The following DDX59 variants were observed in gnomAD, a reference collection of about 807,000 sequenced individuals.
DDX59 encodes the protein probable ATP-dependent RNA helicase DDX59.
In DDX59, 30 loss-of-function variants were observed where a neutral mutation model predicts 51.9. The ratio of observed to expected loss-of-function variants is 0.58; its 90% CI spans 0.43 to 0.78. The LOEUF is 0.78. Among genes scored for constraint, DDX59 ranks in the 30% least tolerant of loss-of-function variants. The pLI is 0.00. For synonymous variants in DDX59, 255 were observed against 253.3 expected, an observed-to-expected ratio of 1.01 and a Z score of -0.06; for missense variants, 672 against 730.8, an observed-to-expected ratio of 0.92 and a Z score of 0.93.
At chr1:200,652,712 A>G (rs900555045) in intron 4 of DDX59, among the ~76,000 whole-genome samples, 2 of 139,672 alleles carry the variant, frequency 1.4e-5, no homozygotes, top group Admixed American at 7.8e-5. Context: ...CTCTGTCGCC[A>G]GGCTGGAGTG....
chr1:200,646,860 C>T (rs781555627), intron 7 of DDX59, among the ~76,000 whole-genome samples: 1 of 151,994 alleles, frequency 6.6e-6, no homozygotes, highest in South Asian at 2.1e-4. Context: ...AAATGTCTAG[C>T]AACTAATGAA....
At chr1:200,648,993 C>G in intron 6 of DDX59, 81 bp downstream of exon 6, 1 of 1,361,966 alleles carries the variant, frequency 7.3e-7, no homozygotes, top group Non-Finnish European at 9.8e-7. Context: ...GTTATAAAAA[C>G]CAGCTGTAAT....
At chr1:200,667,342 G>A (rs1489867403) in intron 1 of DDX59, among the ~76,000 whole-genome samples, 3 of 152,142 alleles carry the variant, frequency 2.0e-5, no homozygotes, top group South Asian at 2.1e-4. Context: ...CGGAGGTTGC[G>A]GTGAGCCTAA....
At chr1:200,653,684 A>T (rs562364362) in intron 4 of DDX59, among the ~76,000 whole-genome samples, 1 of 151,334 alleles carries the variant, frequency 6.6e-6, no homozygotes, top group African/African-American at 2.4e-5. Flanking sequence ...ATCTCCAAGC[A>T]CTCTCCCCTC....
chr1:200,665,924 T>G lies in DDX59; in HGVS notation c.804+13A>C. On this transcript the variant is annotated intron_variant, in intron 2 of 7. Transcript: ENST00000331314. Reference sequence around the variant, plus strand: ...CAAGAATAATACATGTGAACTCTATTATTAACACTTACCTCGAATAAAGCT... The same window carrying G: ...CAAGAATAATACATGTGAACTCTATGATTAACACTTACCTCGAATAAAGCT... 1.3e-6 allele frequency: 2 copies of G among 1,580,668 alleles called. No individual in the cohort carries two copies. Among genetic ancestry groups the G allele is most frequent in the Non-Finnish European group, 1.7e-6 (2 of 1,165,126 alleles).
At chr1:200,660,023 A>C (rs182362803) in intron 3 of DDX59, among the ~76,000 whole-genome samples, 15 of 152,290 alleles carry the variant, frequency 9.8e-5, no homozygotes, top group Middle Eastern at 3.4e-3. Flanking sequence ...AAAATGCTTT[A>C]ATACCAATCA....
Position 200,644,389 on chromosome 1 carries a change from T to A in DDX59, c.1725A>T (p.Leu575Phe), listed in dbSNP as rs1405454627. 2 of 1,613,952 alleles carry A rather than the reference T, an allele frequency of 1.2e-6. No homozygotes were observed. Among genetic ancestry groups the A allele is most frequent in the South Asian group, 2.2e-5 (2 of 91,040 alleles). The change falls in exon 8 of 8, where the codon TTA (leucine) becomes TTT (phenylalanine). Residue 575 changes from leucine (L) to phenylalanine (F), a missense_variant. Coordinates refer to ENST00000331314, the MANE Select transcript of DDX59 (RefSeq NM_001031725.6). ...KPTGSILPPQ[L>F]LNSPYLHDQK... The stretch of plus-strand genomic sequence containing the variant: ...GGTCATGAAGGTATGGGGAATTTAA[T>A]AACTGAGGGGGAAGAATGGATCCTG...
At chr1:200,666,978 T>C (rs1662806359) in intron 1 of DDX59, among the ~76,000 whole-genome samples, 1 of 148,172 alleles carries the variant, frequency 6.7e-6, no homozygotes. Flanking sequence ...CATGGTGGCA[T>C]GTGCCTGTAA....
chr1:200,660,529 G>A (rs942485759), intron 3 of DDX59, among the ~76,000 whole-genome samples: 2 of 152,122 alleles, frequency 1.3e-5, no homozygotes, highest in African/African-American at 4.8e-5. Flanking sequence ...ATCGCTGTGG[G>A]CAGGGCGGTG....
intron 2 of DDX59, among the ~76,000 whole-genome samples, 154 bp from the exon 3 acceptor site, chr1:200,664,240 T>C (rs1158039150): frequency 1.3e-5 from 2 of 152,212 alleles, no homozygotes; most frequent in Non-Finnish European, 2.9e-5. Flanking sequence ...CAGACTTTTT[T>C]CCTCCAAAAC....
Position 200,644,297 on chromosome 1 carries a change from A to T in DDX59, c.1817T>A (p.Met606Lys), listed in dbSNP as rs759757683. Residue 606 changes from methionine to lysine, a missense_variant, in exon 8 of 8, where the codon ATG becomes AAG. Physicochemically the swap from Met to Lys is moderately conservative, Grantham distance 95. Coordinates refer to ENST00000331314, the MANE Select transcript of DDX59 (RefSeq NM_001031725.6). ...QNDLVTGANL[M>K]DIIRKHDKSN... is the part of the protein sequence containing the mutation. Reference sequence around the variant, plus strand: ...TTTATCATGTTTTCTGATAATATCCATAAGATTAGCTCCTGTAACCAGATC... The same window carrying T: ...TTTATCATGTTTTCTGATAATATCCTTAAGATTAGCTCCTGTAACCAGATC... The T allele has an allele frequency of 1.9e-6, 3 of 1,594,260 alleles. No homozygotes were observed. The Admixed American group carries it at 5.4e-5, about 29-fold the overall frequency.
At chr1:200,653,072 T>C (rs1055864363) in intron 4 of DDX59, among the ~76,000 whole-genome samples, 1 of 152,208 alleles carries the variant, frequency 6.6e-6, no homozygotes, top group Non-Finnish European at 1.5e-5. Context: ...GGGAGCCCCA[T>C]GGGCTGGGTC....
rs1223098012 is a variant in DDX59 at position 200,669,828 on chromosome 1, C to T, written c.-73G>A. On this transcript the variant is annotated 5_prime_UTR_variant, in exon 1 of 8. Coordinates refer to ENST00000331314, the MANE Select transcript of DDX59 (RefSeq NM_001031725.6). ...GCTCGGGCCGTCTCCCCCTTCCAGGCTCCAGGCCAGGCTTCCGCCCGACAA... is the reference window on the plus strand; with the variant it reads ...GCTCGGGCCGTCTCCCCCTTCCAGGTTCCAGGCCAGGCTTCCGCCCGACAA... The T allele has an allele frequency of 6.6e-6, 1 of 152,646 alleles. No homozygotes were observed. Among genetic ancestry groups the T allele is most frequent in the Non-Finnish European group, 1.5e-5 (1 of 68,400 alleles). 9.5% of individuals were successfully genotyped at this position (152,646 alleles called of 1,614,324 possible). A position where few individuals can be genotyped will look rare whatever the true frequency, so the allele number is the denominator to read the frequency against.
intron 3 of DDX59, among the ~76,000 whole-genome samples, chr1:200,660,937 C>T (rs1444093688): frequency 2.6e-5 from 4 of 152,242 alleles, no homozygotes; most frequent in African/African-American, 4.8e-5. Flanking sequence ...ACTGTATTCC[C>T]TAGCTCTATC....
At chr1:200,658,203 G>C (rs1359070740) in intron 4 of DDX59, among the ~76,000 whole-genome samples, 1 of 152,330 alleles carries the variant, frequency 6.6e-6, no homozygotes, top group African/African-American at 2.4e-5. Flanking sequence ...AGATGCATGT[G>C]CCCCGCAGGC....
chr1:200,663,450 A>G (rs1662504413), intron 3 of DDX59, among the ~76,000 whole-genome samples: 1 of 152,192 alleles, frequency 6.6e-6, no homozygotes. Flanking sequence ...ATCAGACCAC[A>G]TTGCTTTTAC....
In DDX59 at chr1:200,666,670, A is replaced by G; in HGVS notation, c.71T>C (p.Ile24Thr). ...AAGGTCTTCTGGGTCTGGTTTAATT[A>G]TCTTAGCCACACAACTTTTGCCATC... is the stretch of plus-strand genomic sequence containing the variant. Reference protein sequence around the residue: ...NDDGKSCVAKIIKPDPEDLQL... With the variant: ...NDDGKSCVAKTIKPDPEDLQL... The change falls in exon 2 of 8, where the codon ATA becomes ACA. Residue 24 changes from isoleucine to threonine, a missense_variant. Physicochemically the swap from Ile to Thr is moderately conservative, Grantham distance 89 (BLOSUM62 -1). Transcript: ENST00000331314. The G allele has an allele frequency of 3.7e-6, 6 of 1,614,196 alleles. No homozygotes were observed. The highest frequency in any genetic ancestry group is 5.1e-6 in the Non-Finnish European group (6 of 1,180,022).
At chr1:200,647,013 G>A (rs987131459) in intron 7 of DDX59, among the ~76,000 whole-genome samples, 1 of 152,184 alleles carries the variant, frequency 6.6e-6, no homozygotes, top group East Asian at 1.9e-4. Flanking sequence ...TTAATTCCCT[G>A]ATGTGCAGGT....
At chr1:200,668,945 G>C (rs1211013852) in intron 1 of DDX59, among the ~76,000 whole-genome samples, 1 of 152,136 alleles carries the variant, frequency 6.6e-6, no homozygotes, top group Non-Finnish European at 1.5e-5. Context: ...CTAAACCAAT[G>C]TATTTCTTAA....
Sources: allele counts gnomAD v4.1 joint callset (sites outside exome capture counted in the v4.1 genomes callset), GRCh38; gene constraint gnomAD v4.1.1; transcripts MANE v1.5; gene names NCBI Gene and HGNC (gene_info 2026-07-23, HGNC 2026-07-21).